Variants in TMCC2 observed in about 807,000 individuals in gnomAD.
TMCC2 encodes the protein transmembrane and coiled-coil domain family 2.
A neutral mutation model predicts 49.4 loss-of-function variants in TMCC2; 16 were observed. The observed-to-expected ratio is 0.32, with a 90% CI of 0.22 to 0.49. The LOEUF (loss-of-function observed/expected upper bound fraction) is 0.49, where lower values mean the gene tolerates loss of function less well. Ranked by LOEUF, TMCC2 falls within the 20% of genes least tolerant of loss-of-function variation. The pLI, the probability that TMCC2 is intolerant of heterozygous loss-of-function variation, is 0.99. For missense variants in TMCC2, 762 were observed against 989.8 expected, an observed-to-expected ratio of 0.77 and a Z score of 3.09; for synonymous variants, 397 against 434.1, an observed-to-expected ratio of 0.91 and a Z score of 1.06.
In TMCC2 at chr1:205,271,127, C is replaced by G; in HGVS notation, c.1690C>G (p.Arg564Gly). The G allele has an allele frequency of 6.2e-7, 1 of 1,612,606 alleles. No homozygotes were observed. The highest frequency in any genetic ancestry group is 8.5e-7 in the Non-Finnish European group (1 of 1,179,988). The change falls in exon 4 of 5, where the codon CGG becomes GGG. Residue 564 changes from arginine to glycine, a missense_variant. Physicochemically the swap from Arg to Gly is moderately radical, Grantham distance 125. Transcript: ENST00000358024. ...TCTCTCTCCCTCCGCCAGGTACGAG[C>G]GGCTGGAGGAGCAGCTCAACGACCT... is the stretch of plus-strand genomic sequence containing the variant. ...CLQEERYRYE[R>G]LEEQLNDLTE...
chr1:205,257,478 C>A, intron 2 of TMCC2: 2 of 1,081,478 alleles, frequency 1.8e-6, no homozygotes, highest in South Asian at 4.8e-5. Flanking sequence ...ACACTCCAGT[C>A]TCTCAGGGAG....
At chr1:205,235,127 T>C (rs541019482) in intron 1 of TMCC2, among the ~76,000 whole-genome samples, 1 of 152,226 alleles carries the variant, frequency 6.6e-6, no homozygotes, top group East Asian at 1.9e-4. Context: ...GTTAACTGTT[T>C]TGTCCCGCTT....
In TMCC2 at chr1:205,272,936, C is replaced by T. The variant is rs1661657064; in HGVS notation, c.*812C>T. On this transcript the variant is annotated 3_prime_UTR_variant, in exon 5 of 5. Coordinates refer to ENST00000358024, the MANE Select transcript of TMCC2 (RefSeq NM_014858.4). The stretch of plus-strand genomic sequence containing the variant: ...CCCTACCCGTGCCCCCAGTGTCTTC[C>T]CTGCTGAGTACCAGGAGAGGTCCTG... The T allele has an allele frequency of 6.6e-6, 1 of 152,540 alleles. No individual in the cohort carries two copies. Among genetic ancestry groups the T allele is most frequent in the Non-Finnish European group, 1.5e-5 (1 of 68,180 alleles). 9.4% of individuals were successfully genotyped at this position (152,540 alleles called of 1,614,324 possible). A position where few individuals can be genotyped will look rare whatever the true frequency, so the allele number is the denominator to read the frequency against.
intron 2 of TMCC2, chr1:205,267,800 TG>T: frequency 1.2e-6 from 1 of 867,076 alleles, no homozygotes; most frequent in Non-Finnish European, 1.4e-6. Context: ...GCCCGCCTGG[TG>T]GGGAGTGAAG....
intron 2 of TMCC2, among the ~76,000 whole-genome samples, chr1:205,267,550 G>A (rs932375123): frequency 2.0e-5 from 3 of 152,186 alleles, no homozygotes; most frequent in Admixed American, 6.5e-5. Flanking sequence ...GTTGTATGGC[G>A]ATAAGACACT....
At chr1:205,255,747 A>G (rs868450578) in intron 2 of TMCC2, among the ~76,000 whole-genome samples, 7 of 152,198 alleles carry the variant, frequency 4.6e-5, no homozygotes, top group Middle Eastern at 3.2e-3. Context: ...CCAGATGAAC[A>G]TAAGATCTGA....
intron 1 of TMCC2, among the ~76,000 whole-genome samples, chr1:205,235,254 A>G (rs1659991666): frequency 6.6e-6 from 1 of 151,744 alleles, no homozygotes; most frequent in African/African-American, 2.4e-5. Context: ...GGAACTGGTG[A>G]CCGATGGGAA....
In TMCC2 at chr1:205,252,847, G is replaced by A. The variant is rs923965447; in HGVS notation, c.747+10803G>A. On this transcript the variant is annotated intron_variant, in intron 2 of 4. Coordinates refer to ENST00000358024, the MANE Select transcript of TMCC2 (RefSeq NM_014858.4). ...TAAGAGAAAGAAAAGTAGGCCAGGT[G>A]CAGTGGCTCATGCCTGTAATCTCAG... Among the ~76,000 whole-genome samples, 10 of 151,424 alleles carry A rather than the reference G, an allele frequency of 6.6e-5. No homozygotes were observed. In the East Asian group the frequency reaches 1.7e-3, roughly 26 times the overall value.
In TMCC2 at chr1:205,271,913, G is replaced by A. The variant is rs757104633; in HGVS notation, c.1919G>A (p.Arg640Gln). Reference sequence around the variant, plus strand: ...GAGGGCGTGGAGAATGCCAACGCGCGGGCGCTGCTGGGCAAGTTCATCAAC... The same window carrying A: ...GAGGGCGTGGAGAATGCCAACGCGCAGGCGCTGCTGGGCAAGTTCATCAAC... The part of the protein sequence containing the change: ...QLEGVENANA[R>Q]ALLGKFINVI... The change falls in exon 5 of 5, where the codon CGG (arginine) becomes CAG (glutamine). Residue 640 changes from arginine to glutamine, a missense_variant. Physicochemically the swap from Arg to Gln is conservative, Grantham distance 43. This residue lies in a region of TMCC2 where 440 missense variants were observed against 636.7 expected (regional missense o/e 0.69). Transcript: ENST00000358024. 14 of 1,614,060 alleles carry A rather than the reference G, an allele frequency of 8.7e-6. No individual in the cohort carries two copies. The highest frequency in any genetic ancestry group is 2.2e-5 in the East Asian group (1 of 44,896).
intron 3 of TMCC2, among the ~76,000 whole-genome samples, chr1:205,270,909 T>C (rs527819656): frequency 4.6e-5 from 7 of 152,334 alleles, no homozygotes; most frequent in African/African-American, 1.4e-4. Context: ...TGAGGTCATG[T>C]AGGTAAAATG....
At chr1:205,239,323 G>A (rs536207740) in intron 1 of TMCC2, among the ~76,000 whole-genome samples, 30 of 152,312 alleles carry the variant, frequency 2.0e-4, no homozygotes, top group Non-Finnish European at 2.8e-4. Context: ...CTGGGGAAGG[G>A]GGAGGTGTCC....
intron 1 of TMCC2, among the ~76,000 whole-genome samples, chr1:205,237,838 T>G (rs2102535285): frequency 6.6e-6 from 1 of 152,282 alleles, no homozygotes; most frequent in East Asian, 1.9e-4. Flanking sequence ...TCCTGCCCTT[T>G]CAGATAGTTC....
intron 2 of TMCC2, among the ~76,000 whole-genome samples, chr1:205,245,203 A>G (rs576124183): frequency 1.3e-5 from 2 of 152,278 alleles, no homozygotes; most frequent in East Asian, 1.9e-4. Flanking sequence ...TCCCGTCTCC[A>G]GAGGGCACAA....
intron 2 of TMCC2, chr1:205,246,479 A>G: frequency 7.0e-7 from 1 of 1,436,732 alleles, no homozygotes; most frequent in Admixed American, 2.8e-5. Flanking sequence ...TATAGATAGT[A>G]TTTAAAATGA....
At chr1:205,234,088 G>A (rs1659923852) in intron 1 of TMCC2, 1 of 150,478 alleles carries the variant, frequency 6.6e-6, no homozygotes. Flanking sequence ...GCAATCTCAG[G>A]TGGGAGCCGG....
intron 3 of TMCC2, 147 bp from the exon 4 acceptor site, chr1:205,270,973 T>G (rs2102618636): frequency 8.9e-7 from 1 of 1,121,972 alleles, no homozygotes; most frequent in African/African-American, 1.5e-5. Context: ...GCTTCTATTG[T>G]TGTTGCTGTT....
chr1:205,271,376 G>T, intron 4 of TMCC2, 121 bp downstream of exon 4: 1 of 1,515,142 alleles, frequency 6.6e-7, no homozygotes, highest in Non-Finnish European at 9.1e-7. Context: ...GGCCGGGGCC[G>T]ATAGGCACAT....
At chr1:205,230,415 C>T (rs1372621206) in intron 1 of TMCC2, among the ~76,000 whole-genome samples, 1 of 152,090 alleles carries the variant, frequency 6.6e-6, no homozygotes, top group East Asian at 1.9e-4. Flanking sequence ...CCAGGGAGTC[C>T]TTGGTGTTTA....
intron 2 of TMCC2, among the ~76,000 whole-genome samples, chr1:205,247,755 C>A (rs373104316): frequency 1.3e-5 from 2 of 152,054 alleles, no homozygotes; most frequent in Admixed American, 6.5e-5. Flanking sequence ...AAGCCTCCCC[C>A]ACTCCCCCAC....
Sources: gnomAD v4.1 joint callset for allele counts (sites outside exome capture counted in the v4.1 genomes callset) on GRCh38, gnomAD v4.1.1 for gene constraint, gnomAD v4.1.1 regional missense constraint, MANE v1.5 for transcripts, NCBI Gene and HGNC (gene_info 2026-07-23, HGNC 2026-07-21) for gene names.